The following ATXN1 variants were observed in gnomAD, a reference collection of about 807,000 sequenced individuals.
The protein encoded by ATXN1 is ataxin 1.
In ATXN1, 8 loss-of-function variants were observed where a neutral mutation model predicts 56.4. The observed-to-expected ratio is 0.14, with a 90% confidence interval of 0.08 to 0.26. The LOEUF is 0.26. Among genes scored for constraint, ATXN1 ranks in the 10% least tolerant of loss-of-function variants. The probability of loss-of-function intolerance (pLI) is 1.00; values close to 1 mark genes in which losing one functional copy is unlikely to be tolerated. For missense variants in ATXN1, 987 were observed against 1,106.5 expected, an observed-to-expected ratio of 0.89 and a Z score of 1.53; for synonymous variants, 514 against 494.6, an observed-to-expected ratio of 1.04 and a Z score of -0.52.
At chr6:16,581,624 G>A (rs555981051) in intron 4 of ATXN1, among the ~76,000 whole-genome samples, 300 of 152,174 alleles carry the variant, frequency 2.0e-3, no homozygotes, top group Admixed American at 3.7e-3. Flanking sequence ...TGTGACAAAT[G>A]GAGGGGCTAT....
chr6:16,554,935 T>C (rs1439965338), intron 4 of ATXN1, among the ~76,000 whole-genome samples: 1 of 152,150 alleles, frequency 6.6e-6, no homozygotes, highest in Admixed American at 6.5e-5. Context: ...GACTATAGTC[T>C]GAACAGGATA....
chr6:16,350,418 C>T (rs965237732), intron 6 of ATXN1, among the ~76,000 whole-genome samples: 2 of 152,170 alleles, frequency 1.3e-5, no homozygotes, highest in Non-Finnish European at 1.5e-5. Flanking sequence ...TGCTTACCAC[C>T]CCTCTCAAAT....
At chr6:16,375,197 C>T (rs903778483) in intron 6 of ATXN1, among the ~76,000 whole-genome samples, 11 of 152,238 alleles carry the variant, frequency 7.2e-5, no homozygotes, top group African/African-American at 2.7e-4. Context: ...AGAAAGGAGT[C>T]ACAAAAGCTC....
At chr6:16,629,917 C>CAAA (rs56412324) in intron 3 of ATXN1, among the ~76,000 whole-genome samples, 1 of 145,686 alleles carries the variant, frequency 6.9e-6, no homozygotes. Flanking sequence ...AACTCCATCT[C>CAAA]AAAAAAAAAA....
In ATXN1 at chr6:16,485,965, A is replaced by G. The variant is rs2113655832; in HGVS notation, c.-161+7T>C. On this transcript the variant is annotated splice_region_variant and intron_variant, in intron 6 of 7. Coordinates refer to ENST00000436367, the MANE Select transcript of ATXN1 (RefSeq NM_001128164.2). ...ACTACACATATTGTTCTTGGTTGTTAACTTACAACATTCACTGCGTACTGT... is the reference window on the plus strand; with the variant it reads ...ACTACACATATTGTTCTTGGTTGTTGACTTACAACATTCACTGCGTACTGT... 6.6e-6 allele frequency: 1 copy of G among 152,290 alleles called. No individual in the cohort carries two copies. The highest frequency in any genetic ancestry group is 2.1e-4 in the South Asian group (1 of 4,814). 9.4% of individuals were successfully genotyped at this position (152,290 alleles called of 1,614,324 possible). A position where few individuals can be genotyped will look rare whatever the true frequency, so the allele number is the denominator to read the frequency against.
Position 16,327,454 on chromosome 6 carries a change from G to T in ATXN1, c.857C>A (p.Pro286His). ...GGCGTATTGCATGACGACCTGGGAG[G>T]GGGGCCCCAGGGTGAGCGTGTGTGG... ...MIPHTLTLGP[P>H]SQVVMQYADS... Residue 286 changes from proline to histidine, a missense_variant, in exon 7 of 8, where the codon CCC becomes CAC. Physicochemically the swap from Pro to His is moderately conservative, Grantham distance 77. Transcript: ENST00000436367. The T allele has an allele frequency of 6.2e-7, 1 of 1,613,574 alleles. No homozygotes were observed. Among genetic ancestry groups the T allele is most frequent in the Non-Finnish European group, 8.5e-7 (1 of 1,179,946 alleles).
At chr6:16,400,841 T>G (rs1429120047) in intron 6 of ATXN1, among the ~76,000 whole-genome samples, 1 of 152,202 alleles carries the variant, frequency 6.6e-6, no homozygotes, top group Non-Finnish European at 1.5e-5. Flanking sequence ...GGTCTACTTT[T>G]TGGCCATTTT....
intron 3 of ATXN1, among the ~76,000 whole-genome samples, chr6:16,627,241 C>T (rs1763422300): frequency 6.6e-6 from 1 of 152,150 alleles, no homozygotes; most frequent in African/African-American, 2.4e-5. Flanking sequence ...ATCACATGAG[C>T]TCTGAGTTTC....
At chr6:16,471,021 C>A (rs908802570) in intron 6 of ATXN1, among the ~76,000 whole-genome samples, 17 of 152,098 alleles carry the variant, frequency 1.1e-4, no homozygotes, top group African/African-American at 3.6e-4. Flanking sequence ...GGAAAGGGAA[C>A]AGAGAGTGAC....
intron 3 of ATXN1, among the ~76,000 whole-genome samples, chr6:16,617,623 C>T (rs979726920): frequency 2.0e-5 from 3 of 151,860 alleles, no homozygotes; most frequent in Non-Finnish European, 4.4e-5. Context: ...AAAAATTAGC[C>T]GGGCGTGGTG....
rs187620299 is a variant in ATXN1, at chr6:16,587,975, C to T, written c.-488-2068G>A. On this transcript the variant is annotated intron_variant, in intron 3 of 7. Transcript: ENST00000436367. ...ATTCCTACTCATTTTTCAAGGCCAA[C>T]CTTGAGCTTAAATAGCTTAAATTCC... Among the ~76,000 whole-genome samples the T allele has an allele frequency of 6.7e-3, 1,024 of 151,832 alleles. 16 individuals carry two copies. The highest frequency in any genetic ancestry group is 0.01 in the Middle Eastern group (3 of 290).
intron 2 of ATXN1, among the ~76,000 whole-genome samples, chr6:16,723,995 T>A (rs1373893769): frequency 6.6e-6 from 1 of 152,198 alleles, no homozygotes; most frequent in Non-Finnish European, 1.5e-5. Context: ...CAAAGTAACC[T>A]CAAGCATGAT....
chr6:16,721,041 G>A (rs1321248817), intron 2 of ATXN1, among the ~76,000 whole-genome samples: 1 of 152,172 alleles, frequency 6.6e-6, no homozygotes, highest in Non-Finnish European at 1.5e-5. Context: ...GACACACCCA[G>A]AGGATAACCA....
At chr6:16,416,717 T>C (rs1300939202) in intron 6 of ATXN1, among the ~76,000 whole-genome samples, 1 of 152,240 alleles carries the variant, frequency 6.6e-6, no homozygotes, top group Non-Finnish European at 1.5e-5. Flanking sequence ...CTGACCCCTC[T>C]GAATCCCATC....
At chr6:16,398,225 A>G (rs919806160) in intron 6 of ATXN1, among the ~76,000 whole-genome samples, 7 of 152,220 alleles carry the variant, frequency 4.6e-5, no homozygotes, top group African/African-American at 1.7e-4. Context: ...GCCCAAAGGC[A>G]GAAATTACAT....
intron 4 of ATXN1, among the ~76,000 whole-genome samples, chr6:16,535,617 G>A (rs2113710634): frequency 6.6e-6 from 1 of 152,296 alleles, no homozygotes; most frequent in South Asian, 2.1e-4. Flanking sequence ...TTGAGCAAAG[G>A]AGTTCTAAAT....
At chr6:16,458,494 G>C (rs774786764) in intron 6 of ATXN1, among the ~76,000 whole-genome samples, 19 of 152,170 alleles carry the variant, frequency 1.2e-4, no homozygotes, top group Non-Finnish European at 2.5e-4. Flanking sequence ...AGCTCCAAAA[G>C]CGAGCCCTTG....
chr6:16,702,064 A>G (rs1487422297), intron 2 of ATXN1, among the ~76,000 whole-genome samples: 1 of 151,914 alleles, frequency 6.6e-6, no homozygotes, highest in Non-Finnish European at 1.5e-5. Flanking sequence ...TGGAGGCATC[A>G]CACTACCTGA....
At chr6:16,442,063 A>G (rs1437811408) in intron 6 of ATXN1, among the ~76,000 whole-genome samples, 1 of 152,226 alleles carries the variant, frequency 6.6e-6, no homozygotes, top group Non-Finnish European at 1.5e-5. Context: ...AGAAAACAAA[A>G]AAAAATTCTT....
Sources: allele counts gnomAD v4.1 joint callset (sites outside exome capture counted in the v4.1 genomes callset), GRCh38; gene constraint gnomAD v4.1.1; transcripts MANE v1.5; gene names NCBI Gene and HGNC (gene_info 2026-07-23, HGNC 2026-07-21).